Variants in FAT3 observed in about 807,000 individuals in gnomAD.
FAT3 encodes the protein protocadherin Fat 3.
FAT3 carries 95 observed loss-of-function variants against 310.2 expected under a neutral mutation model. The observed-to-expected ratio is 0.31, with a 90% CI of 0.26 to 0.36. The LOEUF (loss-of-function observed/expected upper bound fraction) is 0.36, where lower values mean the gene tolerates loss of function less well. Ranked by LOEUF, FAT3 falls within the 10% of genes least tolerant of loss-of-function variation. FAT3 has a pLI of 1.00. For missense variants in FAT3, 5,408 were observed against 5,715.6 expected, an observed-to-expected ratio of 0.95 and a Z score of 1.74; for synonymous variants, 2,314 against 2,192.9, an observed-to-expected ratio of 1.06 and a Z score of -1.54.
intron 2 of FAT3, among the ~76,000 whole-genome samples, chr11:92,458,189 A>G (rs1951546123): frequency 6.6e-6 from 1 of 152,302 alleles, no homozygotes; most frequent in South Asian, 2.1e-4. Flanking sequence ...GTTATTTTAA[A>G]TATTTTATCT....
intron 1 of FAT3, among the ~76,000 whole-genome samples, chr11:92,330,147 A>G (rs1947875380): frequency 6.6e-6 from 1 of 152,258 alleles, no homozygotes; most frequent in Non-Finnish European, 1.5e-5. Context: ...TAAGACCTTC[A>G]GATGCACTAA....
At chr11:92,298,921 G>T (rs1946921500) in intron 1 of FAT3, among the ~76,000 whole-genome samples, 1 of 152,012 alleles carries the variant, frequency 6.6e-6, no homozygotes, top group Admixed American at 6.6e-5. Flanking sequence ...CTGCCTCATT[G>T]CTGTTGAAGT....
chr11:92,819,708 C>A (rs914918438), intron 13 of FAT3, among the ~76,000 whole-genome samples: 4 of 152,118 alleles, frequency 2.6e-5, no homozygotes, highest in African/African-American at 9.7e-5. Flanking sequence ...ATAACAAAAT[C>A]TAGTGCAGTA....
chr11:92,767,206 A>G (rs1268219095), intron 6 of FAT3, among the ~76,000 whole-genome samples: 5 of 150,900 alleles, frequency 3.3e-5, no homozygotes, highest in Middle Eastern at 3.2e-3. Context: ...CCAAGATTGC[A>G]TCACTGTACT....
At chr11:92,749,780 T>A (rs575301716) in intron 4 of FAT3, among the ~76,000 whole-genome samples, 202 of 152,330 alleles carry the variant, frequency 1.3e-3, no homozygotes, top group Non-Finnish European at 2.1e-3. Context: ...GCATCTTTAC[T>A]ACAATTAATT....
In FAT3 at chr11:92,412,719, AT is replaced by A. The variant is rs1950306425; in HGVS notation, c.3292+57316del. Among the ~76,000 whole-genome samples the A allele has an allele frequency of 1.8e-4, 5 of 28,042 alleles. 1 individual carries two copies. Among genetic ancestry groups the A allele is most frequent in the Admixed American group, 4.7e-4 (1 of 2,126 alleles). 18.4% of individuals were successfully genotyped at this position (28,042 alleles called of 152,430 possible). A position where few individuals can be genotyped will look rare whatever the true frequency, so the allele number is the denominator to read the frequency against. The stretch of plus-strand genomic sequence containing the variant: ...ATGGTGGTGATATATATATATATAT[AT>A]ATATATATATATATATATATATATA... On this transcript the variant is annotated intron_variant, in intron 2 of 27. Coordinates refer to ENST00000525166, the MANE Select transcript of FAT3 (RefSeq NM_001367949.2).
intron 3 of FAT3, among the ~76,000 whole-genome samples, chr11:92,612,245 A>G (rs1275207859): frequency 1.3e-5 from 2 of 152,220 alleles, no homozygotes; most frequent in South Asian, 2.1e-4. Context: ...AGAAATGACA[A>G]TTGGTCACTT....
At chr11:92,503,805 T>G (rs942015089) in intron 2 of FAT3, among the ~76,000 whole-genome samples, 2 of 152,154 alleles carry the variant, frequency 1.3e-5, no homozygotes, top group Non-Finnish European at 2.9e-5. Context: ...TAATGCACAC[T>G]TGTTTCATTT....
chr11:92,564,919 C>A (rs1955373627), intron 3 of FAT3, among the ~76,000 whole-genome samples: 1 of 141,060 alleles, frequency 7.1e-6, no homozygotes, highest in Non-Finnish European at 1.6e-5. Flanking sequence ...CACTAAATGC[C>A]CACAAGAGAA....
intron 3 of FAT3, among the ~76,000 whole-genome samples, chr11:92,657,059 C>T (rs76545647): frequency 6.6e-6 from 1 of 152,208 alleles, no homozygotes; most frequent in Admixed American, 6.5e-5. Context: ...AGACCCTGTT[C>T]TACAGGAAGA....
At chr11:92,298,812 C>T (rs2134418274) in intron 1 of FAT3, among the ~76,000 whole-genome samples, 1 of 152,258 alleles carries the variant, frequency 6.6e-6, no homozygotes, top group Middle Eastern at 3.4e-3. Context: ...TTAGGACTCT[C>T]ACTAAACCTG....
intron 1 of FAT3, among the ~76,000 whole-genome samples, chr11:92,231,474 C>CT (rs760417304): frequency 1.8e-3 from 280 of 152,194 alleles, no homozygotes; most frequent in Non-Finnish European, 3.4e-3. Flanking sequence ...TCTTTCTTTT[C>CT]TTTTTTGAGA....
At position 92,800,568 on chromosome 11, in the gene FAT3, C is replaced by A; in HGVS notation, c.7555C>A (p.Arg2519=). The A allele has an allele frequency of 6.2e-7, 1 of 1,612,506 alleles. No individual in the cohort carries two copies. The highest frequency in any genetic ancestry group is 8.5e-7 in the Non-Finnish European group (1 of 1,179,550). The change falls in exon 10 of 28, where the codon CGA becomes AGA. Residue 2519 remains arginine, a synonymous_variant. Transcript: ENST00000525166. ...TGCAGGAACAAAGGTAATTCATGTT[C>A]GAGCCACAGATGGTGATCCAGGGAC... ...VAAGTKVIHV[R]ATDGDPGTYG...
intron 1 of FAT3, among the ~76,000 whole-genome samples, chr11:92,299,979 A>T (rs1027631560): frequency 2.6e-5 from 4 of 152,100 alleles, no homozygotes; most frequent in African/African-American, 9.7e-5. Context: ...TTTCCTCCTC[A>T]TCTCATACAT....
intron 2 of FAT3, among the ~76,000 whole-genome samples, chr11:92,465,327 T>A (rs1951732814): frequency 6.6e-6 from 1 of 152,194 alleles, no homozygotes. Flanking sequence ...AATTATTTTT[T>A]AAGTGAAAAT....
rs1949984642 is a variant in FAT3 at position 92,894,512 on chromosome 11, C to T, written c.*3399C>T. Reference sequence around the variant, plus strand: ...TGTGCCACCTCCTGGAAGCCATTTCCCATAATCTGTTGTAGGCACTTTACT... The same window carrying T: ...TGTGCCACCTCCTGGAAGCCATTTCTCATAATCTGTTGTAGGCACTTTACT... On this transcript the variant is annotated 3_prime_UTR_variant, in exon 28 of 28. Coordinates refer to ENST00000525166, the MANE Select transcript of FAT3 (RefSeq NM_001367949.2). 6.6e-6 allele frequency: 1 copy of T among 152,252 alleles called. No homozygotes were observed. Among genetic ancestry groups the T allele is most frequent in the African/African-American group, 2.4e-5 (1 of 41,552 alleles). 9.4% of individuals were successfully genotyped at this position (152,252 alleles called of 1,614,324 possible).
chr11:92,599,872 C>T lies in FAT3; in HGVS notation c.3607+74924C>T, dbSNP rs150921289. 1.4e-3 allele frequency among the ~76,000 whole-genome samples: 211 copies of T among 152,124 alleles called. 2 individuals carry two copies. The highest frequency in any genetic ancestry group is 4.8e-3 in the South Asian group (23 of 4,804). ...TTTTGATTATAAGCTTATAATACTC[C>T]CTATGCCTTTTAAAACTGATCACAA... On this transcript the variant is annotated intron_variant, in intron 3 of 27. Coordinates refer to ENST00000525166, the MANE Select transcript of FAT3 (RefSeq NM_001367949.2).
intron 24 of FAT3, 94 bp from the exon 25 acceptor site, chr11:92,886,906 C>A: frequency 1.0e-6 from 1 of 973,220 alleles, no homozygotes; most frequent in Non-Finnish European, 1.6e-6. Context: ...GAAAGTGCCT[C>A]GAGAAGTGAA....
chr11:92,414,371 C>T (rs760672824), intron 2 of FAT3, among the ~76,000 whole-genome samples: 1 of 152,118 alleles, frequency 6.6e-6, no homozygotes, highest in East Asian at 1.9e-4. Context: ...AAATACCCCA[C>T]GGATTTGGTG....
Sources: gnomAD v4.1 joint callset for allele counts (sites outside exome capture counted in the v4.1 genomes callset) on GRCh38, gnomAD v4.1.1 for gene constraint, MANE v1.5 for transcripts, NCBI Gene and HGNC (gene_info 2026-07-23, HGNC 2026-07-21) for gene names.